KIAA0753: variants seen among roughly 807,000 people sequenced by gnomAD.
The protein encoded by KIAA0753 is protein moonraker.
Under a neutral mutation model 116.9 loss-of-function variants are expected in KIAA0753, and 114 were observed. That is an observed-to-expected ratio of 0.98 (90% CI 0.84 to 1.14). The LOEUF (loss-of-function observed/expected upper bound fraction) is 1.14. Ranked by LOEUF, KIAA0753 falls within the 50% of genes most tolerant of loss-of-function variation. The probability of loss-of-function intolerance (pLI) is 0.00; values close to 1 mark genes in which losing one functional copy is unlikely to be tolerated. For synonymous variants in KIAA0753, 405 were observed against 413.1 expected (o/e 0.98, Z 0.24); for missense variants, 1,156 against 1,172.4 (o/e 0.99, Z 0.20).
At chr17:6,580,827 G>A (rs537077949) in intron 18 of KIAA0753, among the ~76,000 whole-genome samples, 8 of 151,866 alleles carry the variant, frequency 5.3e-5, no homozygotes, top group South Asian at 2.1e-4. Flanking sequence ...ACCGGCCGAC[G>A]GAGGAAGGGG....
chr17:6,608,105 A>G (rs1334778747), intron 10 of KIAA0753, among the ~76,000 whole-genome samples: 2 of 152,280 alleles, frequency 1.3e-5, no homozygotes, highest in African/African-American at 4.8e-5. Flanking sequence ...AGCAAGTGAT[A>G]TATAATTGAC....
Position 6,628,556 on chromosome 17 carries a change from G to A in KIAA0753, c.279C>T (p.Ser93=). 1 of 1,614,070 alleles carries A rather than the reference G, an allele frequency of 6.2e-7. No individual in the cohort carries two copies. ...GGACAGCATAGCTAAGTCTCTCTTGGGATATGACGGAAAATGAAACAGAAC... is the reference window on the plus strand; with the variant it reads ...GGACAGCATAGCTAAGTCTCTCTTGAGATATGACGGAAAATGAAACAGAAC... ...LGSSVSFSVI[S]QERLSYAVHL... The change falls in exon 3 of 19, where the codon TCC becomes TCT. Residue 93 remains serine, a synonymous_variant. Transcript: ENST00000361413.
Position 6,611,937 on chromosome 17 carries a change from C to T in KIAA0753, c.1527G>A (p.Leu509=). 1 of 1,613,758 alleles carries T rather than the reference C, an allele frequency of 6.2e-7. No individual in the cohort carries two copies. The highest frequency in any genetic ancestry group is 8.5e-7 in the Non-Finnish European group (1 of 1,179,890). ...TTCATACTTGCTGTCTTGCTGGCGCCAGAGTATCTTTCTTCCTAAACGGCA... is the reference window on the plus strand; with the variant it reads ...TTCATACTTGCTGTCTTGCTGGCGCTAGAGTATCTTTCTTCCTAAACGGCA... The part of the protein sequence containing the change: ...ENVPFRKKDT[L]APARQQGLRK... The change falls in exon 8 of 19, where the codon CTG becomes CTA. Residue 509 remains leucine (L), a synonymous_variant. Coordinates refer to ENST00000361413, the MANE Select transcript of KIAA0753 (RefSeq NM_014804.3).
At chr17:6,586,272 G>A (rs1968569874) in intron 18 of KIAA0753, among the ~76,000 whole-genome samples, 2 of 152,136 alleles carry the variant, frequency 1.3e-5, no homozygotes, top group South Asian at 4.1e-4. Flanking sequence ...AGAACTGTAA[G>A]CTAATGAAAC....
Position 6,606,883 on chromosome 17 carries a change from G to A in KIAA0753, c.1999C>T (p.Gln667Ter). Residue 667 changes from glutamine to a stop codon, truncating the protein, a stop_gained, in exon 12 of 19, where the codon CAA (glutamine) becomes TAA (stop). Transcript: ENST00000361413. LOFTEE classifies it high-confidence loss of function. ...ELKAEEMYRL[Q>*]QLSVSATHLA... ...GAAGCAAACACATACCTCAATTGTT[G>A]GAGTCTATACATTTCTTCAGCTTTG... 6.2e-7 allele frequency: 1 copy of A among 1,612,948 alleles called. No individual in the cohort carries two copies. Among genetic ancestry groups the A allele is most frequent in the Non-Finnish European group, 8.5e-7 (1 of 1,178,958 alleles).
At chr17:6,606,722 A>C (rs1970218006) in intron 12 of KIAA0753, 151 bp downstream of exon 12, 3 of 568,074 alleles carry the variant, frequency 5.3e-6, no homozygotes, top group Non-Finnish European at 9.3e-6. Context: ...CCTAGCAAAA[A>C]AATATGGTAT....
At chr17:6,600,982 C>T (rs1843369908) in intron 12 of KIAA0753, 1 of 156,466 alleles carries the variant, frequency 6.4e-6, no homozygotes, top group African/African-American at 2.4e-5. Context: ...AAGTACTAAC[C>T]AGGCCCAACC....
At chr17:6,594,343 T>C (rs573785129) in intron 16 of KIAA0753, among the ~76,000 whole-genome samples, 1 of 151,430 alleles carries the variant, frequency 6.6e-6, no homozygotes, top group South Asian at 2.1e-4. Context: ...TGGCTTAAAC[T>C]TGTTACAAAC....
chr17:6,605,774 C>T (rs1038599855), intron 12 of KIAA0753, among the ~76,000 whole-genome samples: 10 of 151,800 alleles, frequency 6.6e-5, no homozygotes, highest in African/African-American at 2.2e-4. Context: ...TGGCAACGGT[C>T]GATTCCTTGA....
At chr17:6,606,707 C>A (rs1047938831) in intron 12 of KIAA0753, among the ~76,000 whole-genome samples, 166 bp downstream of exon 12, 1 of 152,240 alleles carries the variant, frequency 6.6e-6, no homozygotes, top group African/African-American at 2.4e-5. Context: ...ACAAAAGAAG[C>A]ATTTCCTAGC....
At chr17:6,617,126 G>A (rs1404157135) in intron 7 of KIAA0753, among the ~76,000 whole-genome samples, 1 of 152,150 alleles carries the variant, frequency 6.6e-6, no homozygotes, top group African/African-American at 2.4e-5. Flanking sequence ...CTATCAAAAT[G>A]AGCTCCCTAG....
chr17:6,620,194 G>C (rs552602529), intron 7 of KIAA0753, among the ~76,000 whole-genome samples: 6 of 152,228 alleles, frequency 3.9e-5, no homozygotes, highest in Admixed American at 1.3e-4. Flanking sequence ...CAGAAAACAA[G>C]AAGATGCCAC....
At chr17:6,585,074 G>A (rs1410298039) in intron 18 of KIAA0753, among the ~76,000 whole-genome samples, 1 of 152,168 alleles carries the variant, frequency 6.6e-6, no homozygotes, top group African/African-American at 2.4e-5. Context: ...GATTAGATGT[G>A]AGCCACCATA....
In KIAA0753 at chr17:6,635,124, A is replaced by T. The variant is rs1208860992; in HGVS notation, c.-21T>A. 1.3e-6 allele frequency: 2 copies of T among 1,545,612 alleles called. No individual in the cohort carries two copies. ...CCCATAATGTCAGGTAGTACAGAAC[A>T]ATAGTGACAGCCTTGTCATCCGGCA... On this transcript the variant is annotated 5_prime_UTR_variant, in exon 2 of 19. An upstream open reading frame in the 5' UTR gains an earlier in-frame stop. Transcript: ENST00000361413.
At chr17:6,634,306 G>GTTA (rs538876546) in intron 2 of KIAA0753, among the ~76,000 whole-genome samples, 105 of 152,184 alleles carry the variant, frequency 6.9e-4, no homozygotes, top group Admixed American at 1.5e-3. Flanking sequence ...GTTTCACTAT[G>GTTA]TTAGTCAGGC....
intron 17 of KIAA0753, among the ~76,000 whole-genome samples, 166 bp from the exon 18 acceptor site, chr17:6,590,169 G>A (rs772794788): frequency 9.9e-5 from 15 of 152,004 alleles, no homozygotes; most frequent in East Asian, 5.8e-4. Flanking sequence ...CCCTTTTCAC[G>A]GAACCAACCC....
At chr17:6,629,449 A>G (rs1311207538) in intron 2 of KIAA0753, among the ~76,000 whole-genome samples, 1 of 152,220 alleles carries the variant, frequency 6.6e-6, no homozygotes, top group Non-Finnish European at 1.5e-5. Context: ...AGATTGTTCC[A>G]GTTTTTCCAC....
At chr17:6,621,432 A>G (rs931772439) in intron 6 of KIAA0753, among the ~76,000 whole-genome samples, 1 of 152,314 alleles carries the variant, frequency 6.6e-6, no homozygotes, top group African/African-American at 2.4e-5. Flanking sequence ...TAATAGGTCA[A>G]TAAGAGTGGA....
At chr17:6,630,753 G>A (rs1337704086) in intron 2 of KIAA0753, among the ~76,000 whole-genome samples, 1 of 152,188 alleles carries the variant, frequency 6.6e-6, no homozygotes, top group African/African-American at 2.4e-5. Flanking sequence ...AAACAAAAAT[G>A]AGGAAGATCT....
Sources: gnomAD v4.1 joint callset for allele counts (sites outside exome capture counted in the v4.1 genomes callset) on GRCh38, gnomAD v4.1.1 for gene constraint, MANE v1.5 for transcripts, NCBI Gene and HGNC (gene_info 2026-07-23, HGNC 2026-07-21) for gene names.